GRTP1: variants seen among roughly 807,000 people sequenced by gnomAD.
The protein encoded by GRTP1 is growth hormone regulated TBC protein 1.
In GRTP1, 56 loss-of-function variants were observed where a neutral mutation model predicts 38.1. The observed-to-expected ratio is 1.47, with a 90% CI of 1.19 to 1.84. The LOEUF is 1.84. Ranked by LOEUF, GRTP1 falls within the 40% of genes most tolerant of loss-of-function variation. The pLI is 0.00. For missense variants in GRTP1, 506 were observed against 453.9 expected (o/e 1.11, Z -1.04); for synonymous variants, 217 against 189.5 (o/e 1.14, Z -1.19).
In GRTP1 at chr13:113,349,088, T is replaced by TGTATGCATTTTAATAAAG; in HGVS notation, c.465+1760_465+1761insCTTTATTAAAATGCATAC. ...GGTCTTGCTCTATTGCCCAGGCTGG[T>TGTATGCATTTTAATAAAG]CTTGAACTCTTGGCCTCAAGCAAAC... is the stretch of plus-strand genomic sequence containing the variant. On this transcript the variant is annotated intron_variant, in intron 4 of 7. Transcript: ENST00000375431. The surrounding 1 kb of genome is among the most constrained non-coding windows in gnomAD (Gnocchi z 5.0). Among the ~76,000 whole-genome samples, 1 of 151,900 alleles carries TGTATGCATTTTAATAAAG rather than the reference T, an allele frequency of 6.6e-6. No individual in the cohort carries two copies. The highest frequency in any genetic ancestry group is 2.4e-5 in the African/African-American group (1 of 41,352).
At chr13:113,328,053 C>G (rs556319879) in intron 5 of GRTP1, among the ~76,000 whole-genome samples, 1 of 152,240 alleles carries the variant, frequency 6.6e-6, no homozygotes, top group Non-Finnish European at 1.5e-5. Flanking sequence ...TGGTTCCTCC[C>G]AGGCCCAGCC....
chr13:113,326,947 C>G (rs1287027305), intron 5 of GRTP1, among the ~76,000 whole-genome samples: 4 of 152,160 alleles, frequency 2.6e-5, no homozygotes, highest in Non-Finnish European at 4.4e-5. Flanking sequence ...GAGAGGGCGG[C>G]GGCAATGGTT....
rs772522533 is a variant in GRTP1, at chr13:113,342,425, G to A, written c.562+2438C>T. Among the ~76,000 whole-genome samples, 9 of 151,908 alleles carry A rather than the reference G, an allele frequency of 5.9e-5. No homozygotes were observed. Among genetic ancestry groups the A allele is most frequent in the Non-Finnish European group, 8.8e-5 (6 of 67,976 alleles). ...CGGGAGGCTGAGGCAGGAGAATGGC[G>A]TGAACCTGGGAGGCGGAGCTTGCAG... On this transcript the variant is annotated intron_variant, in intron 5 of 7. Coordinates refer to ENST00000375431, the MANE Select transcript of GRTP1 (RefSeq NM_024719.4). This position sits in a 1 kb window ranked among gnomAD's most constrained non-coding sequence, Gnocchi z 4.5.
At chr13:113,330,320 G>A (rs1318279887) in intron 5 of GRTP1, among the ~76,000 whole-genome samples, 3 of 122,282 alleles carry the variant, frequency 2.5e-5, no homozygotes, top group South Asian at 3.0e-4. Context: ...GCCCAGGTGC[G>A]TGGATGGAAA....
intron 5 of GRTP1, among the ~76,000 whole-genome samples, chr13:113,329,927 G>C (rs969776127): frequency 6.6e-6 from 1 of 152,286 alleles, no homozygotes; most frequent in African/African-American, 2.4e-5. Flanking sequence ...GGAGCTGGGC[G>C]CCCAGGTGGG....
intron 4 of GRTP1, among the ~76,000 whole-genome samples, 199 bp from the exon 5 acceptor site, chr13:113,345,158 C>T (rs994614059): frequency 7.9e-5 from 12 of 152,244 alleles, no homozygotes; most frequent in East Asian, 1.9e-4. Context: ...GTCAAGCTTA[C>T]GTGAAAAGTA....
intron 4 of GRTP1, among the ~76,000 whole-genome samples, chr13:113,346,262 AT>A (rs1408283502): frequency 1.6e-4 from 15 of 92,248 alleles, no homozygotes; most frequent in African/African-American, 4.2e-4. Context: ...CCGAGAGCAG[AT>A]CCGGGAGGAC....
rs2043215279 is a variant in GRTP1 at position 113,348,933 on chromosome 13, A to G, written c.465+1916T>C. Among the ~76,000 whole-genome samples the G allele has an allele frequency of 6.6e-6, 1 of 152,224 alleles. No homozygotes were observed. The highest frequency in any genetic ancestry group is 1.5e-5 in the Non-Finnish European group (1 of 68,048). ...GGCATTTCCTTAGGGGCCCACAGCA[A>G]GCTAACAGGTGCACATCTCCGCACA... On this transcript the variant is annotated intron_variant, in intron 4 of 7. Transcript: ENST00000375431. The surrounding 1 kb of genome is among the most constrained non-coding windows in gnomAD (Gnocchi z 4.8).
intron 3 of GRTP1, among the ~76,000 whole-genome samples, chr13:113,352,378 T>TTTATA (rs371059232): frequency 6.8e-4 from 78 of 114,448 alleles, no homozygotes; most frequent in Middle Eastern, 8.7e-3. Flanking sequence ...ATATATATAT[T>TTTATA]TATATATATA....
At chr13:113,345,256 A>C (rs1353524087) in intron 4 of GRTP1, among the ~76,000 whole-genome samples, 1 of 152,274 alleles carries the variant, frequency 6.6e-6, no homozygotes, top group Non-Finnish European at 1.5e-5. Flanking sequence ...AAAGAACATA[A>C]CTTACCATTG....
Position 113,361,689 on chromosome 13 carries a change from G to A in GRTP1, c.181+2073C>T, listed in dbSNP as rs924894550. On this transcript the variant is annotated intron_variant, in intron 2 of 7. Coordinates refer to ENST00000375431, the MANE Select transcript of GRTP1 (RefSeq NM_024719.4). ...GGGGGACGGAAGGACAGTCCCCTGC[G>A]GTCATCTCTATAGGAGATGGGGGCC... is the stretch of plus-strand genomic sequence containing the variant. 5.3e-5 allele frequency: 8 copies of A among 152,294 alleles called. No individual in the cohort carries two copies. In the South Asian group the frequency reaches 1.2e-3, roughly 24 times the overall value. 9.4% of individuals were successfully genotyped at this position (152,294 alleles called of 1,614,324 possible).
At chr13:113,351,406 G>C (rs1302049051) in intron 3 of GRTP1, among the ~76,000 whole-genome samples, 2 of 152,246 alleles carry the variant, frequency 1.3e-5, no homozygotes, top group African/African-American at 4.8e-5. Context: ...TAATTTCAAA[G>C]ATCCAAAACA....
Position 113,345,392 on chromosome 13 carries a change from C to T in GRTP1, c.466-433G>A, listed in dbSNP as rs143599364. 9.7e-3 allele frequency among the ~76,000 whole-genome samples: 1,474 copies of T among 152,332 alleles called. 12 individuals are homozygous for T. The highest frequency in any genetic ancestry group is 0.018 in the African/African-American group (739 of 41,586). On this transcript the variant is annotated intron_variant, in intron 4 of 7. Transcript: ENST00000375431. ...TGACACGCGGGTGTTAGGAGAATTT[C>T]GTGGTGGAGACCCTTTTGGGAAATC...
At chr13:113,359,933 G>A (rs745346966) in intron 2 of GRTP1, 9 of 152,218 alleles carry the variant, frequency 5.9e-5, no homozygotes, top group Non-Finnish European at 1.2e-4. Flanking sequence ...CATCACTAAT[G>A]TTTGGAGAAG....
chr13:113,345,145 T>C (rs548671399), intron 4 of GRTP1, among the ~76,000 whole-genome samples, 186 bp from the exon 5 acceptor site: 36 of 152,332 alleles, frequency 2.4e-4, no homozygotes, highest in Non-Finnish European at 7.3e-5. Flanking sequence ...AGTAATGTGT[T>C]TAGTCAAGCT....
rs751100934 is a variant in GRTP1 at position 113,350,911 on chromosome 13, T to A, written c.403A>T (p.Arg135Trp). 6.2e-7 allele frequency: 1 copy of A among 1,612,682 alleles called. No individual in the cohort carries two copies. Among genetic ancestry groups the A allele is most frequent in the Non-Finnish European group, 8.5e-7 (1 of 1,178,868 alleles). ...FRKTTDPCLQRTLYNVLLAYG... is the reference protein window; with the variant it reads ...FRKTTDPCLQWTLYNVLLAYG... ...GCCAGCAGCACATTGTACAGGGTCC[T>A]CTGTAAGCAGGGGTCCGTGGTCTTC... Residue 135 changes from arginine to tryptophan, a missense_variant, in exon 4 of 8, where the codon AGG becomes TGG. By Grantham distance (101) the Arg-to-Trp change is moderately radical. Transcript: ENST00000375431.
At chr13:113,362,261 T>C (rs2043512540) in intron 2 of GRTP1, among the ~76,000 whole-genome samples, 1 of 150,720 alleles carries the variant, frequency 6.6e-6, no homozygotes, top group Non-Finnish European at 1.5e-5. Flanking sequence ...ACCCAGGAGG[T>C]GGAGGTTGCA....
At chr13:113,353,255 C>T (rs1396779195) in intron 3 of GRTP1, among the ~76,000 whole-genome samples, 1 of 152,176 alleles carries the variant, frequency 6.6e-6, no homozygotes. Flanking sequence ...GCAGAATCCA[C>T]ACTCTGGGTA....
Position 113,332,464 on chromosome 13 carries a change from C to A in GRTP1, c.563-6373G>T, listed in dbSNP as rs564261748. ...CGTGCACACGCACACCTGCCTCCAT[C>A]CCCTGGACTGTGTGAGGCAGAGCTG... On this transcript the variant is annotated intron_variant, in intron 5 of 7. Transcript: ENST00000375431. Among the ~76,000 whole-genome samples, 53 of 152,380 alleles carry A rather than the reference C, an allele frequency of 3.5e-4. 1 individual carries two copies. Among genetic ancestry groups the A allele is most frequent in the African/African-American group, 1.2e-3 (48 of 41,584 alleles).
Sources: gnomAD v4.1 joint callset for allele counts (sites outside exome capture counted in the v4.1 genomes callset) on GRCh38, gnomAD v4.1.1 for gene constraint, Gnocchi (gnomAD v3.1) non-coding constraint, MANE v1.5 for transcripts, NCBI Gene and HGNC (gene_info 2026-07-23, HGNC 2026-07-21) for gene names.